The following FNIP1 variants were observed in gnomAD, a reference collection of about 807,000 sequenced individuals.
FNIP1 encodes folliculin-interacting protein 1.
In FNIP1, 40 loss-of-function variants were observed where a neutral mutation model predicts 124.5. The observed-to-expected ratio is 0.32, with a 90% CI of 0.25 to 0.42. The LOEUF is 0.42. Ranked by LOEUF, FNIP1 falls within the 10% of genes least tolerant of loss-of-function variation. FNIP1 has a pLI of 1.00. For missense variants in FNIP1, 1,176 were observed against 1,403.7 expected (o/e 0.84, Z 2.59); for synonymous variants, 472 against 470.6 (o/e 1.00, Z -0.04).
Position 131,679,110 on chromosome 5 carries a change from G to C in FNIP1, c.1268C>G (p.Ser423Trp). 6.2e-7 allele frequency: 1 copy of C among 1,606,788 alleles called. No individual in the cohort carries two copies. ...IGEPVWLTMM[S>W]GTPEKNHLCY... ...AAGGTGGTTCTTTTCTGGAGTCCCC[G>C]ACATCATTGTAAGCCAGACAGGTTC... Residue 423 changes from serine to tryptophan, a missense_variant, in exon 12 of 18, where the codon TCG becomes TGG. Transcript: ENST00000510461.
At chr5:131,651,717 C>T in intron 16 of FNIP1, 85 bp downstream of exon 16, 1 of 1,289,440 alleles carries the variant, frequency 7.8e-7, no homozygotes, top group Non-Finnish European at 1.1e-6. Flanking sequence ...AACATTCAGT[C>T]CCTAACAGCT....
chr5:131,679,990 G>A (rs1263480926), intron 11 of FNIP1, among the ~76,000 whole-genome samples: 1 of 152,166 alleles, frequency 6.6e-6, no homozygotes, highest in Non-Finnish European at 1.5e-5. Context: ...CTACAGAATG[G>A]TGTCCTACTT....
intron 1 of FNIP1, among the ~76,000 whole-genome samples, chr5:131,745,602 T>A (rs761401740): frequency 6.6e-6 from 1 of 152,158 alleles, no homozygotes; most frequent in Non-Finnish European, 1.5e-5. Context: ...AAATTTAGTA[T>A]GTGTATATAT....
rs539259474 is a variant in FNIP1, at chr5:131,709,449, G to A, written c.707-177C>T. On this transcript the variant is annotated intron_variant, in intron 7 of 17. Transcript: ENST00000510461. ...TTACTCAGTTGAACAAGCTTTGAGA[G>A]CTCTGTGAAGATTTGATACACAGTA... 2.0e-4 allele frequency among the ~76,000 whole-genome samples: 30 copies of A among 152,180 alleles called. 1 individual carries two copies. The highest frequency in any genetic ancestry group is 6.2e-4 in the South Asian group (3 of 4,814).
intron 1 of FNIP1, among the ~76,000 whole-genome samples, chr5:131,777,815 G>C (rs1319704457): frequency 6.6e-6 from 1 of 152,160 alleles, no homozygotes; most frequent in African/African-American, 2.4e-5. Context: ...TTAAAAACTT[G>C]TTAGAAATAC....
intron 1 of FNIP1, among the ~76,000 whole-genome samples, chr5:131,755,686 A>G (rs956215015): frequency 1.3e-5 from 2 of 152,044 alleles, no homozygotes; most frequent in African/African-American, 4.8e-5. Flanking sequence ...GAGGAAAAGA[A>G]AACTCATGGT....
chr5:131,665,209 T>C (rs1174813624), intron 15 of FNIP1, among the ~76,000 whole-genome samples: 1 of 152,078 alleles, frequency 6.6e-6, no homozygotes, highest in Admixed American at 6.5e-5. Flanking sequence ...AAGTATTCTG[T>C]CTTATGATAT....
chr5:131,785,967 T>C (rs1412019206), intron 1 of FNIP1, among the ~76,000 whole-genome samples: 1 of 152,356 alleles, frequency 6.6e-6, no homozygotes, highest in Admixed American at 6.5e-5. Context: ...AATCCTTATT[T>C]ATGGGAGTCA....
Position 131,648,310 on chromosome 5 carries a change from C to CA in FNIP1, c.3307-1106dup, listed in dbSNP as rs11370785. Among the ~76,000 whole-genome samples, 1,149 of 115,696 alleles carry CA rather than the reference C, an allele frequency of 9.9e-3. 10 individuals carry two copies. Among genetic ancestry groups the CA allele is most frequent in the African/African-American group, 0.026 (828 of 31,660 alleles). The allele number at this position is 115,696 out of a possible 152,430, so 75.9% of individuals were successfully genotyped here. Reference sequence around the variant, plus strand: ...AATTCAGCCTGGGTGACAAAAGTTACAAAAAAAAAAAAACCTGAAACACAT... The same window carrying CA: ...AATTCAGCCTGGGTGACAAAAGTTACAAAAAAAAAAAAAACCTGAAACACAT... On this transcript the variant is annotated intron_variant, in intron 16 of 17. Transcript: ENST00000510461.
At chr5:131,780,029 T>C (rs934589825) in intron 1 of FNIP1, among the ~76,000 whole-genome samples, 1 of 151,916 alleles carries the variant, frequency 6.6e-6, no homozygotes, top group African/African-American at 2.4e-5. Context: ...GGTGAAACCC[T>C]GTCTCTAGCA....
At chr5:131,668,582 G>A (rs1767665437) in intron 15 of FNIP1, among the ~76,000 whole-genome samples, 1 of 152,168 alleles carries the variant, frequency 6.6e-6, no homozygotes, top group Non-Finnish European at 1.5e-5. Flanking sequence ...CTACTCCAGA[G>A]GCTGAGGCAA....
chr5:131,675,346 G>A (rs1242564239), intron 13 of FNIP1, among the ~76,000 whole-genome samples: 2 of 152,104 alleles, frequency 1.3e-5, no homozygotes, highest in African/African-American at 4.8e-5. Context: ...ATTACCTACA[G>A]TCTTAGACTG....
At chr5:131,676,146 T>G (rs2149516753) in intron 13 of FNIP1, among the ~76,000 whole-genome samples, 1 of 151,276 alleles carries the variant, frequency 6.6e-6, no homozygotes. Context: ...CTCAGCCTCT[T>G]GAGTAGCTGG....
chr5:131,691,323 T>G (rs1768473612), intron 11 of FNIP1, among the ~76,000 whole-genome samples: 1 of 152,210 alleles, frequency 6.6e-6, no homozygotes, highest in Non-Finnish European at 1.5e-5. Flanking sequence ...TTATCAATAC[T>G]TGTGAATGCA....
chr5:131,658,203 A>G (rs879133244), intron 15 of FNIP1, among the ~76,000 whole-genome samples: 1 of 152,200 alleles, frequency 6.6e-6, no homozygotes, highest in Non-Finnish European at 1.5e-5. Context: ...CAAAAAACAA[A>G]TTGACGTTAG....
intron 15 of FNIP1, among the ~76,000 whole-genome samples, chr5:131,655,342 A>AAAAC (rs969510285): frequency 1.3e-5 from 2 of 152,170 alleles, no homozygotes; most frequent in Non-Finnish European, 2.9e-5. Context: ...GACCCATCTC[A>AAAAC]AAACAAACAA....
In FNIP1 at chr5:131,744,758, A is replaced by G. The variant is rs909142769; in HGVS notation, c.93-68T>C. The G allele has an allele frequency of 9.1e-6, 12 of 1,314,120 alleles. No homozygotes were observed. In the South Asian group the frequency reaches 1.6e-4, roughly 18 times the overall value. 81.4% of individuals were successfully genotyped at this position (1,314,120 alleles called of 1,614,324 possible). ...CATTAATAAATATTCCATATACATT[A>G]TTAGAAATAAATCTATATAATAAAG... is the stretch of plus-strand genomic sequence containing the variant. On this transcript the variant is annotated intron_variant, in intron 1 of 17. Transcript: ENST00000510461.
At chr5:131,777,408 A>G (rs1580831002) in intron 1 of FNIP1, among the ~76,000 whole-genome samples, 1 of 152,102 alleles carries the variant, frequency 6.6e-6, no homozygotes, top group Non-Finnish European at 1.5e-5. Context: ...AATCGCTGGG[A>G]AAAATGGTCC....
At chr5:131,657,700 C>T (rs1247067760) in intron 15 of FNIP1, among the ~76,000 whole-genome samples, 1 of 118,230 alleles carries the variant, frequency 8.5e-6, no homozygotes, top group African/African-American at 3.2e-5. Flanking sequence ...ACAACAGAGC[C>T]CATCAAGGAA....
Sources: allele counts gnomAD v4.1 joint callset (sites outside exome capture counted in the v4.1 genomes callset), GRCh38; gene constraint gnomAD v4.1.1; transcripts MANE v1.5; gene names NCBI Gene and HGNC (gene_info 2026-07-23, HGNC 2026-07-21).